Variants in ZNF229 observed in about 807,000 individuals in gnomAD.
ZNF229 encodes zinc finger protein 229.
ZNF229 carries 10 observed loss-of-function variants against 11.8 expected under a neutral mutation model. The observed-to-expected ratio is 0.85, with a 90% CI of 0.52 to 1.44. The LOEUF is 1.44. Among genes scored for constraint, ZNF229 ranks in the 40% most tolerant of loss-of-function variants. The probability of loss-of-function intolerance (pLI) is 0.00; values close to 1 mark genes in which losing one functional copy is unlikely to be tolerated. For synonymous variants in ZNF229, 368 were observed against 374.8 expected, an observed-to-expected ratio of 0.98 and a Z score of 0.21; for missense variants, 1,045 against 1,015.1, an observed-to-expected ratio of 1.03 and a Z score of -0.40.
At chr19:44,437,971 T>A (rs1971842515) in intron 4 of ZNF229, among the ~76,000 whole-genome samples, 2 of 151,398 alleles carry the variant, frequency 1.3e-5, no homozygotes, top group South Asian at 2.1e-4. Context: ...TACTTGAGAG[T>A]GGATAGTGGG....
At chr19:44,435,230 G>C (rs1489701214) in intron 4 of ZNF229, among the ~76,000 whole-genome samples, 5 of 152,202 alleles carry the variant, frequency 3.3e-5, no homozygotes, top group Non-Finnish European at 7.3e-5. Flanking sequence ...CCAGGAATTA[G>C]AGAGATGAGC....
At chr19:44,435,723 T>C (rs114964914) in intron 4 of ZNF229, among the ~76,000 whole-genome samples, 214 of 152,310 alleles carry the variant, frequency 1.4e-3, no homozygotes, top group African/African-American at 4.9e-3. Flanking sequence ...AGGCAAATGC[T>C]TTGTTTGAGA....
chr19:44,438,537 T>G (rs1324851997), intron 4 of ZNF229, among the ~76,000 whole-genome samples: 2 of 152,220 alleles, frequency 1.3e-5, no homozygotes, highest in African/African-American at 4.8e-5. Context: ...CAAAAGCCCT[T>G]AGAAACTCCA....
In ZNF229 at chr19:44,442,979, C is replaced by T. The variant is rs998345593; in HGVS notation, c.-132G>A. 1 of 1,090,318 alleles carries T rather than the reference C, an allele frequency of 9.2e-7. No homozygotes were observed. The highest frequency in any genetic ancestry group is 1.4e-6 in the Non-Finnish European group (1 of 727,000). 67.5% of individuals were successfully genotyped at this position (1,090,318 alleles called of 1,614,324 possible). ...TCCAAGCTCTGACAAGTTCCTGTCT[C>T]CACCTTTACTGTCCAGAGCGCGACT... On this transcript the variant is annotated 5_prime_UTR_variant, in exon 3 of 6. Coordinates refer to ENST00000614049, the MANE Select transcript of ZNF229 (RefSeq NM_014518.4).
chr19:44,441,934 A>T (rs1283169897), intron 4 of ZNF229, among the ~76,000 whole-genome samples: 1 of 152,220 alleles, frequency 6.6e-6, no homozygotes, highest in Non-Finnish European at 1.5e-5. Context: ...CTGCTAGAAT[A>T]ATCATAAATC....
chr19:44,429,868 T>C lies in ZNF229; in HGVS notation c.913A>G (p.Ser305Gly), dbSNP rs184456443. 11 of 1,614,080 alleles carry C rather than the reference T, an allele frequency of 6.8e-6. No individual in the cohort carries two copies. Among genetic ancestry groups the C allele is most frequent in the Admixed American group, 3.3e-5 (2 of 60,022 alleles). ...YDEFSEGLRHSAHLNRHQRVP... is the reference protein window; with the variant it reads ...YDEFSEGLRHGAHLNRHQRVP... ...CTTTGATGTCTGTTAAGATGGGCAC[T>C]GTGCCTCAAGCCCTCACTAAACTCA... Residue 305 changes from serine (S) to glycine (G), a missense_variant, in exon 6 of 6, where the codon AGT becomes GGT. By Grantham distance (56) the Ser-to-Gly change is moderately conservative (BLOSUM62 0). Transcript: ENST00000614049.
chr19:44,428,404 C>A lies in ZNF229; in HGVS notation c.2377G>T (p.Glu793Ter), dbSNP rs1290702221. ...LHVHQRVHTGEKPYTCGVCGK... is the reference protein window; with the variant it reads ...LHVHQRVHTG ...CACACACCACACGTATAGGGCTTCT[C>A]TCCAGTGTGGACTCTCTGATGAACA... Residue 793 changes from glutamate (E) to a stop codon, truncating the protein, a stop_gained, in exon 6 of 6, where the codon GAG becomes TAG. Coordinates refer to ENST00000614049, the MANE Select transcript of ZNF229 (RefSeq NM_014518.4). LOFTEE classifies it low-confidence loss of function (END_TRUNC). The A allele has an allele frequency of 1.9e-6, 3 of 1,613,926 alleles. No individual in the cohort carries two copies. In the African/African-American group the frequency reaches 4.0e-5, roughly 22 times the overall value.
chr19:44,429,269 A>G lies in ZNF229; in HGVS notation c.1512T>C (p.Leu504=). 6.2e-7 allele frequency: 1 copy of G among 1,613,786 alleles called. No individual in the cohort carries two copies. The highest frequency in any genetic ancestry group is 2.2e-5 in the East Asian group (1 of 44,854). Residue 504 remains leucine, a synonymous_variant, in exon 6 of 6, where the codon CTT becomes CTC. Transcript: ENST00000614049. ...CGKGFSHNSY[L]QAHQRVHMGQ... ...CCATGTGAACTCTCTGGTGAGCTTG[A>G]AGGTACGAGTTGTGACTGAAACCTT...
At chr19:44,446,777 T>A (rs1972010009) in intron 2 of ZNF229, among the ~76,000 whole-genome samples, 2 of 152,246 alleles carry the variant, frequency 1.3e-5, no homozygotes. Flanking sequence ...ACAAATTAGG[T>A]GACCTTTGGT....
At chr19:44,444,558 T>C (rs1971973426) in intron 2 of ZNF229, among the ~76,000 whole-genome samples, 1 of 152,170 alleles carries the variant, frequency 6.6e-6, no homozygotes. Flanking sequence ...TCCACCGCAA[T>C]GCCACTTAAA....
rs1686238123 is a variant in ZNF229 at position 44,442,964 on chromosome 19, G to C, written c.-117C>G. The C allele has an allele frequency of 8.0e-7, 1 of 1,246,294 alleles. No individual in the cohort carries two copies. The highest frequency in any genetic ancestry group is 1.5e-5 in the African/African-American group (1 of 68,354). The allele number at this position is 1,246,294 out of a possible 1,614,324, so 77.2% of individuals were successfully genotyped here. A position where few individuals can be genotyped will look rare whatever the true frequency, so the allele number is the denominator to read the frequency against. On this transcript the variant is annotated 5_prime_UTR_variant, in exon 3 of 6. It introduces an in-frame stop codon into an upstream open reading frame of the 5' UTR. Coordinates refer to ENST00000614049, the MANE Select transcript of ZNF229 (RefSeq NM_014518.4). ...TCATTCCGGAAACTCTCCAAGCTCT[G>C]ACAAGTTCCTGTCTCCACCTTTACT...
intron 5 of ZNF229, chr19:44,431,632 A>C (rs890367552): frequency 1.2e-5 from 4 of 327,122 alleles, no homozygotes; most frequent in Non-Finnish European, 1.8e-5. Context: ...GTTGCAGAAT[A>C]ATCATCTACA....
rs1971656373 is a variant in ZNF229 at position 44,429,254 on chromosome 19, T to C, written c.1527A>G (p.Arg509=). 6.2e-7 allele frequency: 1 copy of C among 1,613,766 alleles called. No homozygotes were observed. Among genetic ancestry groups the C allele is most frequent in the Non-Finnish European group, 8.5e-7 (1 of 1,179,948 alleles). The change falls in exon 6 of 6, where the codon AGA becomes AGG. Residue 509 remains arginine, a synonymous_variant. Transcript: ENST00000614049. ...SHNSYLQAHQ[R]VHMGQHLYKC... is the part of the protein sequence containing the mutation. ...TGTACAGATGCTGCCCCATGTGAACTCTCTGGTGAGCTTGAAGGTACGAGT... is the reference window on the plus strand; with the variant it reads ...TGTACAGATGCTGCCCCATGTGAACCCTCTGGTGAGCTTGAAGGTACGAGT...
chr19:44,429,582 G>A lies in ZNF229; in HGVS notation c.1199C>T (p.Thr400Ile). 1 of 1,614,102 alleles carries A rather than the reference G, an allele frequency of 6.2e-7. No homozygotes were observed. Among genetic ancestry groups the A allele is most frequent in the Non-Finnish European group, 8.5e-7 (1 of 1,180,044 alleles). Residue 400 changes from threonine (T) to isoleucine (I), a missense_variant, in exon 6 of 6, where the codon ACT (threonine) becomes ATT (isoleucine). Thr to Ile is a moderately conservative substitution (Grantham distance 89). Transcript: ENST00000614049. Reference sequence around the variant, plus strand: ...GCTGCATTTATATGGTTTCTCTCCAGTGTGGACCCTCTGATGGACAAGCAG... The same window carrying A: ...GCTGCATTTATATGGTTTCTCTCCAATGTGGACCCTCTGATGGACAAGCAG... ...SNLLVHQRVH[T>I]GEKPYKCSEC...
chr19:44,433,920 C>T (rs1971768389), intron 4 of ZNF229, among the ~76,000 whole-genome samples: 1 of 152,140 alleles, frequency 6.6e-6, no homozygotes, highest in Non-Finnish European at 1.5e-5. Flanking sequence ...GCATGTGCCA[C>T]CATGCCCAGC....
At chr19:44,443,355 C>T (rs1971949546) in intron 2 of ZNF229, among the ~76,000 whole-genome samples, 1 of 152,140 alleles carries the variant, frequency 6.6e-6, no homozygotes, top group South Asian at 2.1e-4. Context: ...TTTATTAACG[C>T]AATACTGTTT....
Position 44,429,065 on chromosome 19 carries a change from A to G in ZNF229, c.1716T>C (p.Tyr572=). 1 of 1,611,346 alleles carries G rather than the reference A, an allele frequency of 6.2e-7. No individual in the cohort carries two copies. The highest frequency in any genetic ancestry group is 2.2e-5 in the East Asian group (1 of 44,594). Residue 572 remains tyrosine (Y), a synonymous_variant, in exon 6 of 6, where the codon TAT becomes TAC. Coordinates refer to ENST00000614049, the MANE Select transcript of ZNF229 (RefSeq NM_014518.4). Reference sequence around the variant, plus strand: ...AGCCCTTCCCACACTCACTGCATTTATAGGGTTTCTCTCCTGTGTGGACCC... The same window carrying G: ...AGCCCTTCCCACACTCACTGCATTTGTAGGGTTTCTCTCCTGTGTGGACCC... ...HQRVHTGEKP[Y]KCSECGKGFR... is the part of the protein sequence containing the mutation.
In ZNF229 at chr19:44,428,980, C is replaced by T. The variant is rs372929381; in HGVS notation, c.1801G>A (p.Val601Met). ...QRVHTGERPY[V>M]CDVCGKGFIY... The stretch of plus-strand genomic sequence containing the variant: ...AAACCCTTCCCACACACGTCACACA[C>T]GTAGGGCCTCTCTCCCGTGTGGACC... Residue 601 changes from valine (V) to methionine (M), a missense_variant, in exon 6 of 6, where the codon GTG (valine) becomes ATG (methionine). Physicochemically the swap from Val to Met is conservative, Grantham distance 21 (BLOSUM62 1). Transcript: ENST00000614049. The T allele has an allele frequency of 8.3e-5, 133 of 1,610,692 alleles. No individual in the cohort carries two copies. The highest frequency in any genetic ancestry group is 1.4e-4 in the African/African-American group (10 of 73,806).
chr19:44,442,657 G>A, intron 3 of ZNF229, 36 bp from the exon 4 acceptor site: 1 of 1,612,546 alleles, frequency 6.2e-7, no homozygotes. Flanking sequence ...GGAGGAGTTG[G>A]TGCTGCCTGA....
Sources: gnomAD v4.1 joint callset for allele counts (sites outside exome capture counted in the v4.1 genomes callset) on GRCh38, gnomAD v4.1.1 for gene constraint, MANE v1.5 for transcripts, NCBI Gene and HGNC (gene_info 2026-07-23, HGNC 2026-07-21) for gene names.